BRIP1: variants seen among roughly 807,000 people sequenced by gnomAD.
The protein encoded by BRIP1 is Fanconi anemia group J protein.
A neutral mutation model predicts 119.7 loss-of-function variants in BRIP1; 88 were observed. That is an observed-to-expected ratio of 0.74 (90% confidence interval 0.62 to 0.88). BRIP1 has a LOEUF of 0.88. Among genes scored for constraint, BRIP1 ranks in the 40% least tolerant of loss-of-function variants. BRIP1 has a pLI of 0.00. For synonymous variants in BRIP1, 443 were observed against 496.5 expected (o/e 0.89, Z 1.43); for missense variants, 1,259 against 1,455.4 (o/e 0.87, Z 2.20).
Position 61,845,124 on chromosome 17 carries a change from G to A in BRIP1, c.627+1977C>T, listed in dbSNP as rs1429461647. 1.3e-5 allele frequency among the ~76,000 whole-genome samples: 2 copies of A among 152,110 alleles called. No homozygotes were observed. Among genetic ancestry groups the A allele is most frequent in the African/African-American group, 2.4e-5 (1 of 41,404 alleles). ...AAGAAAATGAATGAGAAAACACTGT[G>A]GCAGAGCTCAACATATAGCTTACAT... On this transcript the variant is annotated intron_variant, in intron 6 of 19. Transcript: ENST00000259008. The surrounding 1 kb of genome is among the most constrained non-coding windows in gnomAD (Gnocchi z 4.2).
rs1003260187 is a variant in BRIP1 at position 61,722,099 on chromosome 17, T to A, written c.2380-6036A>T. Among the ~76,000 whole-genome samples the A allele has an allele frequency of 6.7e-6, 1 of 149,374 alleles. No homozygotes were observed. Among genetic ancestry groups the A allele is most frequent in the African/African-American group, 2.5e-5 (1 of 40,418 alleles). ...CTCAATCACCCAGGCTGGAGTACGG[T>A]GGCATGATCTCGGCTCACTGCAACT... On this transcript the variant is annotated intron_variant, in intron 16 of 19. Transcript: ENST00000259008. This position sits in a 1 kb window ranked among gnomAD's most constrained non-coding sequence, Gnocchi z 4.6.
intron 14 of BRIP1, among the ~76,000 whole-genome samples, chr17:61,765,311 T>C (rs1360341491): frequency 1.5e-5 from 2 of 136,962 alleles, no homozygotes; most frequent in African/African-American, 5.4e-5. Flanking sequence ...ATAATACATA[T>C]ACATACATAA....
In BRIP1 at chr17:61,745,140, A is replaced by G. The variant is rs1186110554; in HGVS notation, c.2098-549T>C. Among the ~76,000 whole-genome samples, 1 of 152,162 alleles carries G rather than the reference A, an allele frequency of 6.6e-6. No individual in the cohort carries two copies. The highest frequency in any genetic ancestry group is 1.5e-5 in the Non-Finnish European group (1 of 68,024). Reference sequence around the variant, plus strand: ...TTTGAATATTTGATCATCATTAATAACCTGCATTGAAAAAAGATAGAAATA... The same window carrying G: ...TTTGAATATTTGATCATCATTAATAGCCTGCATTGAAAAAAGATAGAAATA... On this transcript the variant is annotated intron_variant, in intron 14 of 19. Transcript: ENST00000259008. This position sits in a 1 kb window ranked among gnomAD's most constrained non-coding sequence, Gnocchi z 4.4.
rs1297692762 is a variant in BRIP1 at position 61,851,860 on chromosome 17, A to G, written c.380-2604T>C. On this transcript the variant is annotated intron_variant, in intron 4 of 19. Coordinates refer to ENST00000259008, the MANE Select transcript of BRIP1 (RefSeq NM_032043.3). This position sits in a 1 kb window ranked among gnomAD's most constrained non-coding sequence, Gnocchi z 4.6. ...AGATCAGTGATTCTCAACCAGGCCAATTTTAACACCACCACTTCTCATCCC... is the reference window on the plus strand; with the variant it reads ...AGATCAGTGATTCTCAACCAGGCCAGTTTTAACACCACCACTTCTCATCCC... Among the ~76,000 whole-genome samples, 2 of 152,176 alleles carry G rather than the reference A, an allele frequency of 1.3e-5. No homozygotes were observed. The highest frequency in any genetic ancestry group is 4.8e-5 in the African/African-American group (2 of 41,452).
At position 61,748,344 on chromosome 17, in the gene BRIP1, C is replaced by A. The variant is rs1027587219; in HGVS notation, c.2098-3753G>T. On this transcript the variant is annotated intron_variant, in intron 14 of 19. Coordinates refer to ENST00000259008, the MANE Select transcript of BRIP1 (RefSeq NM_032043.3). This position sits in a 1 kb window ranked among gnomAD's most constrained non-coding sequence, Gnocchi z 4.7. The stretch of plus-strand genomic sequence containing the variant: ...CCCAGGTCTGTGGAAAAGCTGTCTT[C>A]CACAAAACCAGTCCCTGGTGCTAAG... 6.6e-5 allele frequency among the ~76,000 whole-genome samples: 10 copies of A among 152,178 alleles called. No individual in the cohort carries two copies. Among genetic ancestry groups the A allele is most frequent in the Non-Finnish European group, 1.2e-4 (8 of 68,028 alleles).
In BRIP1 at chr17:61,708,948, G is replaced by A. The variant is rs963592736; in HGVS notation, c.2492+7003C>T. 2.0e-4 allele frequency among the ~76,000 whole-genome samples: 30 copies of A among 152,254 alleles called. No homozygotes were observed. The highest frequency in any genetic ancestry group is 4.6e-4 in the African/African-American group (19 of 41,542). ...CTCACATTCAGTATGTAAAATCCCC[G>A]TATATAATATTAACCTCCATCTTTA... On this transcript the variant is annotated intron_variant, in intron 17 of 19. Coordinates refer to ENST00000259008, the MANE Select transcript of BRIP1 (RefSeq NM_032043.3). The surrounding 1 kb of genome is among the most constrained non-coding windows in gnomAD (Gnocchi z 4.4).
rs2145425787 is a variant in BRIP1 at position 61,808,823 on chromosome 17, C to T, written c.628-66G>A. On this transcript the variant is annotated intron_variant, in intron 6 of 19. Coordinates refer to ENST00000259008, the MANE Select transcript of BRIP1 (RefSeq NM_032043.3). This position sits in a 1 kb window ranked among gnomAD's most constrained non-coding sequence, Gnocchi z 4.1. ...CCATAAAAAACGTTATCAAACCTCA[C>T]ATGGAATCAGAACCTGTAAGTAATG... The T allele has an allele frequency of 6.8e-7, 1 of 1,477,304 alleles. No homozygotes were observed. 91.5% of individuals were successfully genotyped at this position (1,477,304 alleles called of 1,614,324 possible).
intron 3 of BRIP1, among the ~76,000 whole-genome samples, chr17:61,859,474 A>G (rs1167621405): frequency 6.6e-6 from 1 of 152,100 alleles, no homozygotes; most frequent in Non-Finnish European, 1.5e-5. Context: ...TGGGACTACA[A>G]GTGTACATCA....
intron 11 of BRIP1, among the ~76,000 whole-genome samples, chr17:61,782,642 T>G (rs1196948099): frequency 6.6e-6 from 1 of 152,066 alleles, no homozygotes; most frequent in African/African-American, 2.4e-5. Flanking sequence ...AATATCTAAA[T>G]AACTACAGCT....
intron 14 of BRIP1, among the ~76,000 whole-genome samples, chr17:61,765,453 TG>T (rs2077359378): frequency 9.7e-6 from 1 of 102,910 alleles, no homozygotes; most frequent in Non-Finnish European, 2.0e-5. Context: ...TTTTTTTTTT[TG>T]AGACAGAGTT....
rs1453470930 is a variant in BRIP1 at position 61,701,228 on chromosome 17, A to G, written c.2493-7716T>C. On this transcript the variant is annotated intron_variant, in intron 17 of 19. Transcript: ENST00000259008. This position sits in a 1 kb window ranked among gnomAD's most constrained non-coding sequence, Gnocchi z 5.1. ...TTGTTATGTGTCATGATTTTTGTTG[A>G]AAACAGTACATTTTAAATAATATAA... Among the ~76,000 whole-genome samples, 1 of 152,172 alleles carries G rather than the reference A, an allele frequency of 6.6e-6. No homozygotes were observed. The highest frequency in any genetic ancestry group is 1.5e-5 in the Non-Finnish European group (1 of 68,026).
At position 61,751,219 on chromosome 17, in the gene BRIP1, A is replaced by G. The variant is rs1022628948; in HGVS notation, c.2098-6628T>C. Among the ~76,000 whole-genome samples, 7 of 152,200 alleles carry G rather than the reference A, an allele frequency of 4.6e-5. No homozygotes were observed. The highest frequency in any genetic ancestry group is 2.1e-4 in the South Asian group (1 of 4,836). On this transcript the variant is annotated intron_variant, in intron 14 of 19. Coordinates refer to ENST00000259008, the MANE Select transcript of BRIP1 (RefSeq NM_032043.3). This position sits in a 1 kb window ranked among gnomAD's most constrained non-coding sequence, Gnocchi z 6.7. ...CATAGTAAGTGAAAAAAGCCACTGTATTTTTGTACACAAAGTACAAATATT... is the reference window on the plus strand; with the variant it reads ...CATAGTAAGTGAAAAAAGCCACTGTGTTTTTGTACACAAAGTACAAATATT...
In BRIP1 at chr17:61,742,219, G is replaced by C. The variant is rs1257144714; in HGVS notation, c.2379+794C>G. ...CTCTCAGCTTTCACAGAATTGAAGA[G>C]AGTTAGGGCCTTGCTCTGAATTAAG... On this transcript the variant is annotated intron_variant, in intron 16 of 19. Coordinates refer to ENST00000259008, the MANE Select transcript of BRIP1 (RefSeq NM_032043.3). This position sits in a 1 kb window ranked among gnomAD's most constrained non-coding sequence, Gnocchi z 4.7. 6.6e-6 allele frequency among the ~76,000 whole-genome samples: 1 copy of C among 152,230 alleles called. No homozygotes were observed. Among genetic ancestry groups the C allele is most frequent in the African/African-American group, 2.4e-5 (1 of 41,472 alleles).
In BRIP1 at chr17:61,703,178, C is replaced by T. The variant is rs532748802; in HGVS notation, c.2493-9666G>A. The stretch of plus-strand genomic sequence containing the variant: ...CTCCCGGGTTCAAACGATTCTCCTG[C>T]TTAGCCTCCCAAGTAGCTGGAATTA... On this transcript the variant is annotated intron_variant, in intron 17 of 19. Coordinates refer to ENST00000259008, the MANE Select transcript of BRIP1 (RefSeq NM_032043.3). This position sits in a 1 kb window ranked among gnomAD's most constrained non-coding sequence, Gnocchi z 5.0. Among the ~76,000 whole-genome samples, 2 of 152,284 alleles carry T rather than the reference C, an allele frequency of 1.3e-5. No individual in the cohort carries two copies. The highest frequency in any genetic ancestry group is 1.9e-4 in the East Asian group (1 of 5,186).
rs563601788 is a variant in BRIP1 at position 61,765,514 on chromosome 17, C to T, written c.2097+10887G>A. Among the ~76,000 whole-genome samples the T allele has an allele frequency of 1.7e-4, 22 of 133,230 alleles. No homozygotes were observed. The South Asian group carries it at 5.7e-3, about 34-fold the overall frequency. The allele number at this position is 133,230 out of a possible 152,430, so 87.4% of individuals were successfully genotyped here. A position where few individuals can be genotyped will look rare whatever the true frequency, so the allele number is the denominator to read the frequency against. ...TGCATGGCGTGATCTTGGCTCACTG[C>T]AACCTCCGCCTCCTGGATTCAAGCA... On this transcript the variant is annotated intron_variant, in intron 14 of 19. Coordinates refer to ENST00000259008, the MANE Select transcript of BRIP1 (RefSeq NM_032043.3).
At chr17:61,791,812 C>CAT (rs1249287295) in intron 10 of BRIP1, among the ~76,000 whole-genome samples, 1 of 151,952 alleles carries the variant, frequency 6.6e-6, no homozygotes, top group Non-Finnish European at 1.5e-5. Flanking sequence ...GAAAATGTGG[C>CAT]ACATATATAT....
At chr17:61,854,203 G>A (rs2078861936) in intron 4 of BRIP1, among the ~76,000 whole-genome samples, 1 of 151,906 alleles carries the variant, frequency 6.6e-6, no homozygotes, top group Non-Finnish European at 1.5e-5. Flanking sequence ...CAGGAGGCAG[G>A]GGTTGCAATG....
rs2077183306 is a variant in BRIP1 at position 61,755,133 on chromosome 17, A to G, written c.2098-10542T>C. Among the ~76,000 whole-genome samples the G allele has an allele frequency of 6.6e-6, 1 of 152,196 alleles. No individual in the cohort carries two copies. Among genetic ancestry groups the G allele is most frequent in the South Asian group, 2.1e-4 (1 of 4,826 alleles). On this transcript the variant is annotated intron_variant, in intron 14 of 19. Transcript: ENST00000259008. This position sits in a 1 kb window ranked among gnomAD's most constrained non-coding sequence, Gnocchi z 4.5. ...ATAGAACAGTACCTTACATATAGAAAGTGGTCAGTAAATACTTTTTGAATG... is the reference window on the plus strand; with the variant it reads ...ATAGAACAGTACCTTACATATAGAAGGTGGTCAGTAAATACTTTTTGAATG...
At position 61,862,265 on chromosome 17, in the gene BRIP1, T is replaced by C. The variant is rs1407832490; in HGVS notation, c.-30-696A>G. On this transcript the variant is annotated intron_variant, in intron 1 of 19. Transcript: ENST00000259008. This position sits in a 1 kb window ranked among gnomAD's most constrained non-coding sequence, Gnocchi z 5.3. ...AGAAAGAGAATGCCTTGGCACATAG[T>C]AGGCACTCAAAAATGTTATTTGAAG... Among the ~76,000 whole-genome samples the C allele has an allele frequency of 6.6e-6, 1 of 152,222 alleles. No individual in the cohort carries two copies. The highest frequency in any genetic ancestry group is 1.5e-5 in the Non-Finnish European group (1 of 68,040).
Sources: gnomAD v4.1 joint callset for allele counts (sites outside exome capture counted in the v4.1 genomes callset) on GRCh38, gnomAD v4.1.1 for gene constraint, Gnocchi (gnomAD v3.1) non-coding constraint, MANE v1.5 for transcripts, NCBI Gene and HGNC (gene_info 2026-07-23, HGNC 2026-07-21) for gene names.